MATK: variants seen among roughly 807,000 people sequenced by gnomAD.
MATK encodes megakaryocyte-associated tyrosine-protein kinase.
In MATK, 41 loss-of-function variants were observed where a neutral mutation model predicts 59.8. The observed-to-expected ratio is 0.69, with a 90% CI of 0.53 to 0.89. The LOEUF (loss-of-function observed/expected upper bound fraction) is 0.89. Ranked by LOEUF, MATK falls within the 40% of genes least tolerant of loss-of-function variation. MATK has a pLI of 0.00. For missense variants in MATK, 593 were observed against 719.6 expected (o/e 0.82, Z 2.01); for synonymous variants, 308 against 306.1 (o/e 1.01, Z -0.06).
chr19:3,779,321 C>G, intron 11 of MATK, 57 bp downstream of exon 11: 1 of 1,599,032 alleles, frequency 6.3e-7, no homozygotes, highest in Non-Finnish European at 8.6e-7. Context: ...CTTGATGGAT[C>G]TTGGAATCTG....
chr19:3,784,545 G>A (rs2037452064), intron 3 of MATK, 94 bp from the exon 4 acceptor site: 1 of 839,080 alleles, frequency 1.2e-6, no homozygotes, highest in Non-Finnish European at 1.9e-6. Context: ...GAGGGAGAAA[G>A]GTATAGAGAT....
rs144180965 is a variant in MATK at position 3,796,241 on chromosome 19, T to C, written c.-58+5291A>G. 9.2e-5 allele frequency among the ~76,000 whole-genome samples: 14 copies of C among 152,328 alleles called. No individual in the cohort carries two copies. In the East Asian group the frequency reaches 1.3e-3, roughly 15 times the overall value. ...AGCTGATATTTATAGGGTGTTTTAC[T>C]GTGTGCTGAAGACAAAGCAATATAA... On this transcript the variant is annotated intron_variant, in intron 1 of 13. Transcript: ENST00000395045.
In MATK at chr19:3,800,855, A is replaced by G. The variant is rs1179015079; in HGVS notation, c.-58+677T>C. Among the ~76,000 whole-genome samples the G allele has an allele frequency of 3.3e-5, 5 of 151,894 alleles. No individual in the cohort carries two copies. In the East Asian group the frequency reaches 9.7e-4, roughly 29 times the overall value. On this transcript the variant is annotated intron_variant, in intron 1 of 13. Transcript: ENST00000395045. ...AAATTTGCCATCTTAATCATTTTTT[A>G]TTTTTATTTATTTATGTATTTTTGA...
At chr19:3,798,778 C>T (rs1481375934) in intron 1 of MATK, among the ~76,000 whole-genome samples, 1 of 151,768 alleles carries the variant, frequency 6.6e-6, no homozygotes, top group African/African-American at 2.4e-5. Flanking sequence ...TCCCAAAGTG[C>T]TGGGATTACA....
upstream of MATK, among the ~76,000 whole-genome samples, chr19:3,790,297 G>T (rs972999767): frequency 3.3e-5 from 5 of 152,260 alleles, no homozygotes; most frequent in African/African-American, 1.2e-4. Flanking sequence ...GATTCCCCCA[G>T]TCCTGAACTC....
chr19:3,790,727 C>T (rs529598722), upstream of MATK, among the ~76,000 whole-genome samples: 33 of 152,304 alleles, frequency 2.2e-4, 2 homozygotes, highest in East Asian at 5.6e-3. Context: ...TCCAGCTGGC[C>T]TCTCCAAGCT....
chr19:3,780,981 G>A (rs1460396933), intron 8 of MATK, among the ~76,000 whole-genome samples: 5 of 146,902 alleles, frequency 3.4e-5, no homozygotes, highest in East Asian at 4.1e-4. Flanking sequence ...CTCCTGCCCC[G>A]ACCTACCAAA....
At chr19:3,793,147 G>A (rs1358123973) in intron 1 of MATK, 1 of 152,220 alleles carries the variant, frequency 6.6e-6, no homozygotes, top group Non-Finnish European at 1.5e-5. Flanking sequence ...GAGCTGCTTT[G>A]GGCGTCTTTG....
Position 3,784,822 on chromosome 19 carries a change from C to A in MATK, c.132+3G>T. 6.4e-7 allele frequency: 1 copy of A among 1,551,310 alleles called. No homozygotes were observed. The highest frequency in any genetic ancestry group is 8.7e-7 in the Non-Finnish European group (1 of 1,146,250). ...GCAGAGGAAGCAGGCTAGACACACTCACCGTTGGCATCCTGGCTGAGACGG... is the reference window on the plus strand; with the variant it reads ...GCAGAGGAAGCAGGCTAGACACACTAACCGTTGGCATCCTGGCTGAGACGG... On this transcript the variant is annotated splice_donor_region_variant and intron_variant, in intron 3 of 13. Transcript: ENST00000310132.
upstream of MATK, among the ~76,000 whole-genome samples, chr19:3,788,796 A>G (rs1291422777): frequency 6.6e-6 from 1 of 151,390 alleles, no homozygotes; most frequent in Non-Finnish European, 1.5e-5. Context: ...GATTCAAGCA[A>G]TTCTCCTGTT....
upstream of MATK, among the ~76,000 whole-genome samples, chr19:3,789,934 T>G (rs1473411413): frequency 1.3e-5 from 2 of 148,538 alleles, no homozygotes; most frequent in Non-Finnish European, 3.0e-5. Flanking sequence ...AGGGTCTCAC[T>G]CCTGTCACGC....
At chr19:3,794,946 G>C (rs1037695075) in intron 1 of MATK, among the ~76,000 whole-genome samples, 1 of 148,016 alleles carries the variant, frequency 6.8e-6, no homozygotes, top group African/African-American at 2.5e-5. Context: ...ATGGACATTT[G>C]ACTTTCATAT....
upstream of MATK, among the ~76,000 whole-genome samples, chr19:3,789,927 G>A (rs111238538): frequency 0.018 from 2,699 of 150,308 alleles, 88 homozygotes; most frequent in African/African-American, 0.063. Flanking sequence ...TTGAGATAGG[G>A]TCTCACTCCT....
chr19:3,794,978 T>C (rs2037580209), intron 1 of MATK, among the ~76,000 whole-genome samples: 1 of 140,320 alleles, frequency 7.1e-6, no homozygotes, highest in African/African-American at 2.7e-5. Context: ...TCTTTTGCTT[T>C]TTTTTTTTTT....
chr19:3,786,470 G>C (rs2037486908), upstream of MATK: 7 of 876,866 alleles, frequency 8.0e-6, no homozygotes, highest in Non-Finnish European at 9.5e-6. This position sits in a 1 kb window ranked among gnomAD's most constrained non-coding sequence, Gnocchi z 4.1. Flanking sequence ...CCCGGGCGGG[G>C]TCCCGGGGCG....
At chr19:3,792,896 C>T (rs911813291) in intron 1 of MATK, among the ~76,000 whole-genome samples, 39 of 152,322 alleles carry the variant, frequency 2.6e-4, no homozygotes, top group Non-Finnish European at 4.7e-4. Context: ...ACACCTGAGC[C>T]GCCATGGCCT....
chr19:3,778,297 G>C lies in MATK; in HGVS notation c.1410C>G (p.Pro470=). 6.3e-7 allele frequency: 1 copy of C among 1,576,088 alleles called. No individual in the cohort carries two copies. The highest frequency in any genetic ancestry group is 1.2e-5 in the South Asian group (1 of 86,698). The change falls in exon 14 of 14, where the codon CCC becomes CCG. Residue 470 remains proline, a synonymous_variant. Transcript: ENST00000310132. ...CCAGCTTCTCGGCCAGTTTGCGGAA[G>C]GGTGGCCGGCGGGCGGGCTCTGCCT... The part of the protein sequence containing the change: ...CWEAEPARRP[P]FRKLAEKLAR...
chr19:3,795,352 A>C (rs192376946), intron 1 of MATK, among the ~76,000 whole-genome samples: 237 of 148,904 alleles, frequency 1.6e-3, no homozygotes, highest in African/African-American at 5.6e-3. Context: ...GGCTCACTGC[A>C]ACTTCTGCCT....
rs754460170 is a variant in MATK at position 3,785,119 on chromosome 19, G to A, written c.17C>T (p.Ser6Phe). 22 of 1,613,990 alleles carry A rather than the reference G, an allele frequency of 1.4e-5. 1 individual carries two copies. In the South Asian group the frequency reaches 2.1e-4, roughly 15 times the overall value. The change falls in exon 2 of 14, where the codon TCT becomes TTT. Residue 6 changes from serine (S) to phenylalanine (F), a missense_variant. Coordinates refer to ENST00000310132, the MANE Select transcript of MATK (RefSeq NM_139355.3). MAGRG[S>F]LVSWRAFHGC... Reference sequence around the variant, plus strand: ...GTGAAATGCCCGCCAGGAAACCAGAGAGCCTCGCCCCGCCATCGCCCCCAG... The same window carrying A: ...GTGAAATGCCCGCCAGGAAACCAGAAAGCCTCGCCCCGCCATCGCCCCCAG...
Sources: gnomAD v4.1 joint callset for allele counts (sites outside exome capture counted in the v4.1 genomes callset) on GRCh38, gnomAD v4.1.1 for gene constraint, Gnocchi (gnomAD v3.1) non-coding constraint, MANE v1.5 for transcripts, NCBI Gene and HGNC (gene_info 2026-07-23, HGNC 2026-07-21) for gene names.